Variants in PTPRN2 observed in about 807,000 individuals in gnomAD.
PTPRN2 encodes receptor-type tyrosine-protein phosphatase N2.
Under a neutral mutation model 118.8 loss-of-function variants are expected in PTPRN2, and 74 were observed. That is an observed-to-expected ratio of 0.62 (90% CI 0.52 to 0.76). The LOEUF (loss-of-function observed/expected upper bound fraction) is 0.76. PTPRN2 is among the 30% of genes least tolerant of loss of function. The pLI is 0.00. For missense variants in PTPRN2, 1,481 were observed against 1,394.4 expected, an observed-to-expected ratio of 1.06 and a Z score of -0.99; for synonymous variants, 641 against 608.0, an observed-to-expected ratio of 1.05 and a Z score of -0.80.
At chr7:158,318,682 G>T (rs1007424487) in intron 2 of PTPRN2, among the ~76,000 whole-genome samples, 5 of 152,260 alleles carry the variant, frequency 3.3e-5, no homozygotes, top group African/African-American at 1.2e-4. Context: ...CTCTCGGCCG[G>T]CCCCAGAGCA....
At chr7:158,300,440 T>TG (rs1447907209) in intron 3 of PTPRN2, among the ~76,000 whole-genome samples, 1 of 141,652 alleles carries the variant, frequency 7.1e-6, no homozygotes, top group African/African-American at 2.6e-5. Flanking sequence ...ACGCTGCTGT[T>TG]GCTGTCTTGA....
chr7:157,975,102 C>T (rs1239424453), intron 11 of PTPRN2, among the ~76,000 whole-genome samples: 2 of 152,124 alleles, frequency 1.3e-5, no homozygotes, highest in Admixed American at 1.3e-4. Context: ...AGGCCCAGCA[C>T]ATTCTCCTCC....
intron 14 of PTPRN2, among the ~76,000 whole-genome samples, chr7:157,628,960 A>G (rs1803770264): frequency 6.6e-6 from 1 of 152,128 alleles, no homozygotes; most frequent in African/African-American, 2.4e-5. Flanking sequence ...CCTGTTTAAG[A>G]GACTATGTGA....
At chr7:158,086,321 A>G (rs559254967) in intron 10 of PTPRN2, among the ~76,000 whole-genome samples, 1 of 152,310 alleles carries the variant, frequency 6.6e-6, no homozygotes, top group African/African-American at 2.4e-5. Context: ...ACAGACACAC[A>G]GCCTGGCGTC....
At chr7:158,324,144 C>T (rs964627438) in intron 2 of PTPRN2, among the ~76,000 whole-genome samples, 13 of 152,138 alleles carry the variant, frequency 8.5e-5, no homozygotes, top group Non-Finnish European at 1.3e-4. Context: ...CGCCCACACG[C>T]GTACGCTCAC....
chr7:158,233,798 G>C (rs1374618705), intron 3 of PTPRN2, among the ~76,000 whole-genome samples: 1 of 152,116 alleles, frequency 6.6e-6, no homozygotes, highest in Non-Finnish European at 1.5e-5. Flanking sequence ...ACAGAATAGA[G>C]AATCCAGGTA....
At chr7:158,165,825 C>G (rs1003183132) in intron 6 of PTPRN2, among the ~76,000 whole-genome samples, 16 of 152,222 alleles carry the variant, frequency 1.1e-4, no homozygotes, top group Non-Finnish European at 1.9e-4. Context: ...AAACGCCTTT[C>G]TCCCCTGGGC....
intron 12 of PTPRN2, among the ~76,000 whole-genome samples, chr7:157,725,775 C>T (rs1894800): frequency 4.4e-4 from 21 of 47,818 alleles, no homozygotes; most frequent in Non-Finnish European, 6.6e-4. Flanking sequence ...CAGAGGACTG[C>T]GGCCAGACCC....
chr7:158,138,447 G>A lies in PTPRN2; in HGVS notation c.979C>T (p.Leu327=). 1.9e-6 allele frequency: 3 copies of A among 1,613,236 alleles called. No homozygotes were observed. Among genetic ancestry groups the A allele is most frequent in the Admixed American group, 1.7e-5 (1 of 60,028 alleles). ...AGCTCAGCCATGCCGTCCAGCTCCA[G>A]GCCACTCAGGCCCCTCACCTCAGCC... ...QPAEVRGLSG[L]ELDGMAELMA... is the part of the protein sequence containing the mutation. The change falls in exon 7 of 23, where the codon CTG becomes TTG. Residue 327 remains leucine, a synonymous_variant. Transcript: ENST00000389418.
At chr7:158,329,546 G>A (rs1185986130) in intron 2 of PTPRN2, among the ~76,000 whole-genome samples, 8 of 152,182 alleles carry the variant, frequency 5.3e-5, no homozygotes, top group Admixed American at 2.6e-4. Flanking sequence ...CCGTCGATGA[G>A]CCAGGAGGGG....
At chr7:158,068,565 C>T (rs899595919) in intron 11 of PTPRN2, among the ~76,000 whole-genome samples, 31 of 152,224 alleles carry the variant, frequency 2.0e-4, no homozygotes, top group African/African-American at 7.2e-4. Context: ...CCCCGCAAAC[C>T]ACTGGAACCG....
chr7:158,136,699 T>C lies in PTPRN2; in HGVS notation c.1133-4A>G. 2 of 1,613,636 alleles carry C rather than the reference T, an allele frequency of 1.2e-6. No homozygotes were observed. The highest frequency in any genetic ancestry group is 1.1e-5 in the South Asian group (1 of 91,048). On this transcript the variant is annotated splice_polypyrimidine_tract_variant and splice_region_variant and intron_variant, in intron 7 of 22. Transcript: ENST00000389418. Reference sequence around the variant, plus strand: ...TCGTCGTCCTGCACTCCGTCATCTGTAAAAGACACCAGTGTTACCAAGACC... The same window carrying C: ...TCGTCGTCCTGCACTCCGTCATCTGCAAAAGACACCAGTGTTACCAAGACC...
chr7:157,607,986 C>T (rs969466059), intron 15 of PTPRN2, among the ~76,000 whole-genome samples: 3 of 152,158 alleles, frequency 2.0e-5, no homozygotes, highest in African/African-American at 4.8e-5. Context: ...GTCAAGGACC[C>T]GGCTTCCATG....
chr7:157,916,532 T>C (rs1190858328), intron 11 of PTPRN2, among the ~76,000 whole-genome samples: 7 of 152,160 alleles, frequency 4.6e-5, no homozygotes, highest in Admixed American at 4.6e-4. Context: ...AGCAGGTGAG[T>C]TCGAGAAGCA....
rs546925134 is a variant in PTPRN2 at position 158,144,259 on chromosome 7, G to T, written c.911-5744C>A. ...AATAAACTTTTCTGAGCCCCCCAAG[G>T]TTTATAAAAATGATGTGCACAGGCC... On this transcript the variant is annotated intron_variant, in intron 6 of 22. Coordinates refer to ENST00000389418, the MANE Select transcript of PTPRN2 (RefSeq NM_002847.5). Among the ~76,000 whole-genome samples, 22 of 152,288 alleles carry T rather than the reference G, an allele frequency of 1.4e-4. 1 individual carries two copies. In the South Asian group the frequency reaches 4.4e-3, roughly 30 times the overall value.
chr7:158,587,802 G>A lies in PTPRN2; in HGVS notation c.-133C>T. 3.4e-6 allele frequency: 3 copies of A among 894,456 alleles called. No individual in the cohort carries two copies. The highest frequency in any genetic ancestry group is 2.7e-6 in the Non-Finnish European group (2 of 746,882). 55.4% of individuals were successfully genotyped at this position (894,456 alleles called of 1,614,324 possible). ...CCTCTCGCGCTCTTGCGGCGACGCC[G>A]GGCCGAGCTTCAGCACCGGACAGCG... is the stretch of plus-strand genomic sequence containing the variant. On this transcript the variant is annotated 5_prime_UTR_variant, in exon 1 of 23. Transcript: ENST00000389418.
chr7:158,138,042 C>T (rs1414561618), intron 7 of PTPRN2, among the ~76,000 whole-genome samples: 1 of 152,244 alleles, frequency 6.6e-6, no homozygotes, highest in Non-Finnish European at 1.5e-5. Flanking sequence ...CTGACTCAGC[C>T]TCAGCATGGA....
intron 6 of PTPRN2, among the ~76,000 whole-genome samples, chr7:158,147,579 G>A (rs1422185662): frequency 3.5e-5 from 4 of 115,290 alleles, no homozygotes; most frequent in African/African-American, 1.1e-4. Context: ...CCCATCTCAC[G>A]CCACGTGTCT....
rs533337691 is a variant in PTPRN2, at chr7:157,839,765, G to A, written c.1788+58908C>T. On this transcript the variant is annotated intron_variant, in intron 12 of 22. Transcript: ENST00000389418. The stretch of plus-strand genomic sequence containing the variant: ...GTGTGAAGTGTGTGTGGCTGTGTGC[G>A]TGACTATGTAACCATGTGTGGCTGT... Among the ~76,000 whole-genome samples the A allele has an allele frequency of 4.0e-5, 6 of 151,598 alleles. No homozygotes were observed. In the East Asian group the frequency reaches 7.8e-4, roughly 20 times the overall value.
Sources: allele counts gnomAD v4.1 joint callset (sites outside exome capture counted in the v4.1 genomes callset), GRCh38; gene constraint gnomAD v4.1.1; transcripts MANE v1.5; gene names NCBI Gene and HGNC (gene_info 2026-07-23, HGNC 2026-07-21).